SPTA1: variants seen among roughly 807,000 people sequenced by gnomAD.
SPTA1 encodes the protein spectrin alpha, erythrocytic 1, also known as spectrin alpha chain, erythrocytic 1.
Under a neutral mutation model 324.7 loss-of-function variants are expected in SPTA1, and 177 were observed. The observed-to-expected ratio is 0.55, with a 90% CI of 0.48 to 0.62. The LOEUF (loss-of-function observed/expected upper bound fraction) is 0.62, where lower values mean the gene tolerates loss of function less well. Among genes scored for constraint, SPTA1 ranks in the 20% least tolerant of loss-of-function variants. SPTA1 has a pLI of 0.00. For synonymous variants in SPTA1, 1,195 were observed against 1,041.3 expected, an observed-to-expected ratio of 1.15 and a Z score of -2.84; for missense variants, 3,162 against 2,883.6, an observed-to-expected ratio of 1.10 and a Z score of -2.21.
chr1:158,642,489 C>T lies in SPTA1; in HGVS notation c.4659G>A (p.Glu1553=). The part of the protein sequence containing the change: ...TFAHEVDGRS[E]QVHGVINLGN... The stretch of plus-strand genomic sequence containing the variant: ...CCAGGTTGATGACGCCATGCACCTG[C>T]TCAGATCGGCCATCGACTTCATGTG... The change falls in exon 33 of 52, where the codon GAG becomes GAA. Residue 1553 remains glutamate, a synonymous_variant. Coordinates refer to ENST00000643759, the MANE Select transcript of SPTA1 (RefSeq NM_003126.4). The T allele has an allele frequency of 6.2e-7, 1 of 1,613,702 alleles. No individual in the cohort carries two copies. Among genetic ancestry groups the T allele is most frequent in the South Asian group, 1.1e-5 (1 of 91,072 alleles).
rs1242268033 is a variant in SPTA1 at position 158,683,363 on chromosome 1, A to G, written c.390+8T>C. The G allele has an allele frequency of 1.2e-6, 2 of 1,613,130 alleles. No homozygotes were observed. Among genetic ancestry groups the G allele is most frequent in the Non-Finnish European group, 1.7e-6 (2 of 1,179,278 alleles). On this transcript the variant is annotated splice_region_variant and intron_variant, in intron 3 of 51. Coordinates refer to ENST00000643759, the MANE Select transcript of SPTA1 (RefSeq NM_003126.4). The stretch of plus-strand genomic sequence containing the variant: ...ATTGGAAACTTCTTCAAGGGCCCAT[A>G]CATATACCTTCGTTTCTTCGTGGGC...
chr1:158,647,615 G>A lies in SPTA1; in HGVS notation c.3820C>T (p.Leu1274=). The A allele has an allele frequency of 1.2e-6, 2 of 1,613,944 alleles. No homozygotes were observed. Among genetic ancestry groups the A allele is most frequent in the Non-Finnish European group, 1.7e-6 (2 of 1,179,940 alleles). The part of the protein sequence containing the change: ...KMELNEAWED[L]QGRTKDRKES... Reference sequence around the variant, plus strand: ...TTACGATCCTTTGTACGCCCCTGCAGGTCTTCCCAGGCCTCATTCAGCTCC... The same window carrying A: ...TTACGATCCTTTGTACGCCCCTGCAAGTCTTCCCAGGCCTCATTCAGCTCC... The change falls in exon 27 of 52, where the codon CTG becomes TTG. Residue 1274 remains leucine, a synonymous_variant. Coordinates refer to ENST00000643759, the MANE Select transcript of SPTA1 (RefSeq NM_003126.4).
chr1:158,626,266 GT>G (rs1291773973), intron 41 of SPTA1, 44 bp from the exon 42 acceptor site: 2 of 1,577,124 alleles, frequency 1.3e-6, no homozygotes, highest in Middle Eastern at 1.7e-4. Context: ...ATTTGGTCTT[GT>G]TTGAGTCCTG....
chr1:158,679,013 A>C (rs374182580), intron 5 of SPTA1, among the ~76,000 whole-genome samples: 1 of 152,182 alleles, frequency 6.6e-6, no homozygotes, highest in African/African-American at 2.4e-5. Flanking sequence ...GCTTTCACGT[A>C]TGATTTTGCA....
At position 158,677,814 on chromosome 1, in the gene SPTA1, T is replaced by C. The variant is rs749781145; in HGVS notation, c.833A>G (p.Gln278Arg). The stretch of plus-strand genomic sequence containing the variant: ...TACAGGTTCCTTCTCCTTGATCCAC[T>C]GGATGGCTTCAGTCACATCCCTGCA... ...RFKRDVTEAI[Q>R]WIKEKEPVLT... is the part of the protein sequence containing the mutation. Residue 278 changes from glutamine (Q) to arginine (R), a missense_variant, in exon 7 of 52, where the codon CAG becomes CGG. By Grantham distance (43) the Gln-to-Arg change is conservative. Coordinates refer to ENST00000643759, the MANE Select transcript of SPTA1 (RefSeq NM_003126.4). 3.1e-6 allele frequency: 5 copies of C among 1,613,660 alleles called. No homozygotes were observed. Among genetic ancestry groups the C allele is most frequent in the Non-Finnish European group, 4.2e-6 (5 of 1,179,702 alleles).
chr1:158,634,100 G>A (rs951174518), intron 39 of SPTA1, among the ~76,000 whole-genome samples: 39 of 152,260 alleles, frequency 2.6e-4, no homozygotes, highest in African/African-American at 8.7e-4. Context: ...ATAAATTGTG[G>A]AACTATTTTG....
Position 158,615,275 on chromosome 1 carries a change from G to A in SPTA1, c.6729C>T (p.Asp2243=), listed in dbSNP as rs760865650. 4 of 1,613,910 alleles carry A rather than the reference G, an allele frequency of 2.5e-6. 1 individual carries two copies. The South Asian group carries it at 3.3e-5, about 13-fold the overall frequency. The part of the protein sequence containing the change: ...YSTIGLAQQW[D]QLYQLGLRMQ... ...TCCGCAACCCAAGCTGGTAGAGCTGGTCCCACTGCTGAGCCAATCCAATGG... is the reference window on the plus strand; with the variant it reads ...TCCGCAACCCAAGCTGGTAGAGCTGATCCCACTGCTGAGCCAATCCAATGG... Residue 2243 remains aspartate, a synonymous_variant, in exon 48 of 52, where the codon GAC becomes GAT. Coordinates refer to ENST00000643759, the MANE Select transcript of SPTA1 (RefSeq NM_003126.4).
At chr1:158,631,238 A>T (rs1487007530) in intron 39 of SPTA1, among the ~76,000 whole-genome samples, 1 of 152,232 alleles carries the variant, frequency 6.6e-6, no homozygotes, top group African/African-American at 2.4e-5. Flanking sequence ...GTAGATAAAG[A>T]AAATGTGGTA....
At chr1:158,623,345 C>T (rs1340830041) in intron 42 of SPTA1, among the ~76,000 whole-genome samples, 153 bp from the exon 43 acceptor site, 1 of 152,144 alleles carries the variant, frequency 6.6e-6, no homozygotes, top group Non-Finnish European at 1.5e-5. Flanking sequence ...TGTAAGCAAA[C>T]ATTTGGGGCT....
chr1:158,682,948 C>T (rs1427728874), intron 3 of SPTA1, among the ~76,000 whole-genome samples: 1 of 151,946 alleles, frequency 6.6e-6, no homozygotes, highest in Non-Finnish European at 1.5e-5. Context: ...AAGAAAGAGG[C>T]ATCATAGACA....
rs991794791 is a variant in SPTA1, at chr1:158,642,886, C to T, written c.4533G>A (p.Glu1511=). 6 of 1,613,738 alleles carry T rather than the reference C, an allele frequency of 3.7e-6. No homozygotes were observed. The African/African-American group carries it at 4.0e-5, about 11-fold the overall frequency. The change falls in exon 32 of 52, where the codon GAG becomes GAA. Residue 1511 remains glutamate, a synonymous_variant. Transcript: ENST00000643759. ...NLKQFYRDLE[E]LEEWISEMLP... is the part of the protein sequence containing the mutation. ...GCATCTCACTGATCCATTCTTCCAG[C>T]TCCTCAAGGTCTCGGTAGAATTGTT...
chr1:158,655,550 G>A (rs1217375731), intron 20 of SPTA1, among the ~76,000 whole-genome samples: 1 of 149,654 alleles, frequency 6.7e-6, no homozygotes, highest in Non-Finnish European at 1.5e-5. Flanking sequence ...TTCTGTTCTT[G>A]TTTAGGCACC....
intron 38 of SPTA1, among the ~76,000 whole-genome samples, chr1:158,635,318 CCCCGCCCG>C (rs1397014116): frequency 2.0e-5 from 3 of 151,942 alleles, no homozygotes; most frequent in African/African-American, 7.3e-5. Flanking sequence ...CTCTCCCCGC[CCCCGCCCG>C]CTCCCTGCCT....
rs564484935 is a variant in SPTA1, at chr1:158,642,750, G to A, written c.4605+64C>T. 2.5e-6 allele frequency: 4 copies of A among 1,611,360 alleles called. No homozygotes were observed. The South Asian group carries it at 3.3e-5, about 13-fold the overall frequency. On this transcript the variant is annotated intron_variant, in intron 32 of 51. Transcript: ENST00000643759. The stretch of plus-strand genomic sequence containing the variant: ...CAGAAAGTGTTAAAGTATCAAGGGT[G>A]ATGACTATCCAACCAACAAGCTCGG...
chr1:158,618,093 G>A lies in SPTA1; in HGVS notation c.6531-37C>T, dbSNP rs369511832. ...GGTCCGGAACAGGAATCACATGAGA[G>A]AAAAGGGAGATGATATGTTAAAATG... is the stretch of plus-strand genomic sequence containing the variant. On this transcript the variant is annotated intron_variant, in intron 45 of 51. Transcript: ENST00000643759. The A allele has an allele frequency of 2.4e-5, 38 of 1,592,268 alleles. No homozygotes were observed. The African/African-American group carries it at 5.0e-4, about 21-fold the overall frequency.
intron 41 of SPTA1, 29 bp downstream of exon 41, chr1:158,626,810 C>A (rs774235522): frequency 1.9e-6 from 3 of 1,612,950 alleles, no homozygotes; most frequent in Admixed American, 1.7e-5. Flanking sequence ...TTCTCAAACC[C>A]AAGGGACCCT....
rs1013627865 is a variant in SPTA1 at position 158,660,771 on chromosome 1, G to A, written c.2587+516C>T. On this transcript the variant is annotated intron_variant, in intron 18 of 51. Coordinates refer to ENST00000643759, the MANE Select transcript of SPTA1 (RefSeq NM_003126.4). ...ACTGCTTATACCATACCTGGCTTAT[G>A]ATGTTCAAAACTGAACATCATACTT... is the stretch of plus-strand genomic sequence containing the variant. 2.0e-5 allele frequency among the ~76,000 whole-genome samples: 3 copies of A among 152,166 alleles called. No individual in the cohort carries two copies. The East Asian group carries it at 5.8e-4, about 29-fold the overall frequency.
chr1:158,642,212 TGACA>T (rs1250917884), intron 33 of SPTA1, among the ~76,000 whole-genome samples, 195 bp downstream of exon 33: 2 of 151,942 alleles, frequency 1.3e-5, no homozygotes, highest in African/African-American at 2.4e-5. Flanking sequence ...TAATGCTAAA[TGACA>T]AGTTAATGGG....
At position 158,642,076 on chromosome 1, in the gene SPTA1, G is replaced by A. The variant is rs180872001; in HGVS notation, c.4737+335C>T. 3.0e-3 allele frequency among the ~76,000 whole-genome samples: 454 copies of A among 151,938 alleles called. 1 individual carries two copies. The highest frequency in any genetic ancestry group is 5.1e-3 in the Non-Finnish European group (346 of 67,994). On this transcript the variant is annotated intron_variant, in intron 33 of 51. Transcript: ENST00000643759. ...TCACAAGGACAAAAAACCAAACACC[G>A]CATGTTTTCACTCATAGGTGGGAAC...
Sources: allele counts gnomAD v4.1 joint callset (sites outside exome capture counted in the v4.1 genomes callset), GRCh38; gene constraint gnomAD v4.1.1; transcripts MANE v1.5; gene names NCBI Gene and HGNC (gene_info 2026-07-23, HGNC 2026-07-21).